The following CAMTA1 variants were observed in gnomAD, a reference collection of about 807,000 sequenced individuals.
The protein encoded by CAMTA1 is calmodulin-binding transcription activator 1.
A neutral mutation model predicts 170.9 loss-of-function variants in CAMTA1; 27 were observed. That is an observed-to-expected ratio of 0.16 (90% CI 0.12 to 0.22). The LOEUF (loss-of-function observed/expected upper bound fraction) is 0.22. Ranked by LOEUF, CAMTA1 falls within the 10% of genes least tolerant of loss-of-function variation. The probability of loss-of-function intolerance (pLI) is 1.00; values close to 1 mark genes in which losing one functional copy is unlikely to be tolerated. For synonymous variants in CAMTA1, 833 were observed against 891.5 expected (o/e 0.93, Z 1.17); for missense variants, 1,619 against 2,217.2 (o/e 0.73, Z 5.42).
intron 7 of CAMTA1, among the ~76,000 whole-genome samples, chr1:7,648,912 A>G (rs1460416544): frequency 6.6e-6 from 1 of 152,226 alleles, no homozygotes; most frequent in African/African-American, 2.4e-5. Context: ...GCCTCTGGCG[A>G]GAGGCCAGCC....
chr1:7,426,207 C>G lies in CAMTA1; in HGVS notation c.439-41623C>G, dbSNP rs767177218. On this transcript the variant is annotated intron_variant, in intron 5 of 22. Coordinates refer to ENST00000303635, the MANE Select transcript of CAMTA1 (RefSeq NM_015215.4). The surrounding 1 kb of genome is among the most constrained non-coding windows in gnomAD (Gnocchi z 4.8). ...AAAGGTGAGGGCACCTCCCCCAGACCTTGCTCTTTAACTATATCCAGGTGC... is the reference window on the plus strand; with the variant it reads ...AAAGGTGAGGGCACCTCCCCCAGACGTTGCTCTTTAACTATATCCAGGTGC... 1.3e-5 allele frequency among the ~76,000 whole-genome samples: 2 copies of G among 148,368 alleles called. No individual in the cohort carries two copies. Among genetic ancestry groups the G allele is most frequent in the Non-Finnish European group, 2.9e-5 (2 of 68,022 alleles).
At position 7,088,575 on chromosome 1, in the gene CAMTA1, C is replaced by T. The variant is rs1020191835; in HGVS notation, c.235-2729C>T. 3.9e-5 allele frequency among the ~76,000 whole-genome samples: 6 copies of T among 152,318 alleles called. No individual in the cohort carries two copies. In the South Asian group the frequency reaches 8.3e-4, roughly 21 times the overall value. On this transcript the variant is annotated intron_variant, in intron 3 of 22. Transcript: ENST00000303635. Reference sequence around the variant, plus strand: ...AGTAGTGCCAGGAGTTTTTCCCCTTCGGCGGGCCATAGCAGTAGGAAGCCC... The same window carrying T: ...AGTAGTGCCAGGAGTTTTTCCCCTTTGGCGGGCCATAGCAGTAGGAAGCCC...
rs1488739424 is a variant in CAMTA1 at position 7,059,749 on chromosome 1, G to GTA, written c.235-31555_235-31554insTA. ...GAACTTTGTACTATTTATGCCTGAA[G>GTA]CAATCAGGGAATCAGGTGTGTTGAA... On this transcript the variant is annotated intron_variant, in intron 3 of 22. Coordinates refer to ENST00000303635, the MANE Select transcript of CAMTA1 (RefSeq NM_015215.4). Among the ~76,000 whole-genome samples the GTA allele has an allele frequency of 4.6e-5, 7 of 152,208 alleles. No homozygotes were observed. In the East Asian group the frequency reaches 1.3e-3, roughly 29 times the overall value.
At chr1:7,126,452 A>G (rs1355571898) in intron 4 of CAMTA1, among the ~76,000 whole-genome samples, 2 of 152,190 alleles carry the variant, frequency 1.3e-5, no homozygotes, top group African/African-American at 2.4e-5. Context: ...GGATTTTGTG[A>G]TCTGCCAGGC....
rs2096297963 is a variant in CAMTA1, at chr1:7,690,439, G to C, written c.2914+12706G>C. On this transcript the variant is annotated intron_variant, in intron 11 of 22. Coordinates refer to ENST00000303635, the MANE Select transcript of CAMTA1 (RefSeq NM_015215.4). ...CCTGTCATACCAAATCCTGAGATGT[G>C]CTGGCATGTGGGCAAGGAACTCTAC... Among the ~76,000 whole-genome samples the C allele has an allele frequency of 2.6e-5, 4 of 152,188 alleles. 1 individual carries two copies. The South Asian group carries it at 8.3e-4, about 31-fold the overall frequency.
At chr1:7,583,316 G>T (rs1041141270) in intron 6 of CAMTA1, among the ~76,000 whole-genome samples, 2 of 151,658 alleles carry the variant, frequency 1.3e-5, no homozygotes, top group Non-Finnish European at 2.9e-5. Flanking sequence ...AAGCCGAGAA[G>T]ATCAGCCCCC....
At chr1:7,051,904 T>C (rs1467053004) in intron 3 of CAMTA1, among the ~76,000 whole-genome samples, 2 of 151,950 alleles carry the variant, frequency 1.3e-5, no homozygotes, top group African/African-American at 4.8e-5. Flanking sequence ...TCCTGGAACA[T>C]TCTGTGTTTC....
At chr1:7,557,167 G>T (rs575549867) in intron 6 of CAMTA1, among the ~76,000 whole-genome samples, 1 of 152,172 alleles carries the variant, frequency 6.6e-6, no homozygotes, top group South Asian at 2.1e-4. Flanking sequence ...AATTAGCGGG[G>T]CGTGGCAGTG....
At chr1:7,148,236 C>G (rs1646351252) in intron 4 of CAMTA1, among the ~76,000 whole-genome samples, 1 of 148,120 alleles carries the variant, frequency 6.8e-6, no homozygotes, top group African/African-American at 2.5e-5. Flanking sequence ...CACACACACA[C>G]CACACACTCA....
chr1:7,694,491 T>G (rs2096353528), intron 11 of CAMTA1: 1 of 152,522 alleles, frequency 6.6e-6, no homozygotes, highest in South Asian at 2.1e-4. Context: ...TTCTAACATA[T>G]GATTCCAATC....
At chr1:6,936,939 G>C (rs1685412526) in intron 3 of CAMTA1, among the ~76,000 whole-genome samples, 1 of 152,022 alleles carries the variant, frequency 6.6e-6, no homozygotes, top group Non-Finnish European at 1.5e-5. Context: ...AGTGAGCCGA[G>C]ATTACGCCAC....
rs573237657 is a variant in CAMTA1 at position 7,683,767 on chromosome 1, G to A, written c.2914+6034G>A. Among the ~76,000 whole-genome samples the A allele has an allele frequency of 5.4e-3, 815 of 152,330 alleles. 1 individual carries two copies. Among genetic ancestry groups the A allele is most frequent in the Non-Finnish European group, 7.9e-3 (537 of 68,026 alleles). The stretch of plus-strand genomic sequence containing the variant: ...AAGCACAGGGCCCTCCTCGTAACCC[G>A]TCTCTCGCTGTCTGTGGGGCCTCCG... On this transcript the variant is annotated intron_variant, in intron 11 of 22. Transcript: ENST00000303635.
intron 6 of CAMTA1, among the ~76,000 whole-genome samples, chr1:7,602,970 T>G (rs1292925283): frequency 6.6e-6 from 1 of 152,174 alleles, no homozygotes; most frequent in African/African-American, 2.4e-5. Context: ...TGGTTTTGAG[T>G]GAGTTTCTGA....
At chr1:7,525,114 C>G (rs983935167) in intron 6 of CAMTA1, among the ~76,000 whole-genome samples, 8 of 152,220 alleles carry the variant, frequency 5.3e-5, no homozygotes, top group Non-Finnish European at 8.8e-5. Flanking sequence ...CTTGCATCCC[C>G]TCTCCAGGGG....
chr1:7,594,459 A>G (rs2095382805), intron 6 of CAMTA1, among the ~76,000 whole-genome samples: 1 of 152,216 alleles, frequency 6.6e-6, no homozygotes, highest in Non-Finnish European at 1.5e-5. Context: ...GTTTTATTCA[A>G]ATCGCAGGGG....
At chr1:7,307,778 C>T (rs1488907179) in intron 5 of CAMTA1, among the ~76,000 whole-genome samples, 2 of 151,752 alleles carry the variant, frequency 1.3e-5, no homozygotes, top group East Asian at 3.8e-4. Flanking sequence ...GTGATTTTTG[C>T]ATTTCTGTTT....
At chr1:6,900,555 T>TA (rs548455007) in intron 3 of CAMTA1, among the ~76,000 whole-genome samples, 147 of 150,798 alleles carry the variant, frequency 9.7e-4, no homozygotes, top group African/African-American at 2.2e-3. Context: ...GGAATCTATA[T>TA]AAAAAAAAAC....
intron 5 of CAMTA1, among the ~76,000 whole-genome samples, chr1:7,410,453 C>T (rs900128986): frequency 6.6e-5 from 10 of 152,268 alleles, no homozygotes; most frequent in Non-Finnish European, 1.2e-4. Flanking sequence ...ACGTGGAGCC[C>T]ATCTGATGGC....
intron 3 of CAMTA1, among the ~76,000 whole-genome samples, chr1:7,073,123 A>G (rs1322338517): frequency 6.6e-6 from 1 of 152,166 alleles, no homozygotes; most frequent in East Asian, 1.9e-4. Flanking sequence ...TTTTGAAGGT[A>G]GAGTGAACAG....
Sources: gnomAD v4.1 joint callset for allele counts (sites outside exome capture counted in the v4.1 genomes callset) on GRCh38, gnomAD v4.1.1 for gene constraint, Gnocchi (gnomAD v3.1) non-coding constraint, MANE v1.5 for transcripts, NCBI Gene and HGNC (gene_info 2026-07-23, HGNC 2026-07-21) for gene names.